Variants in DACT1 observed in about 807,000 individuals in gnomAD.
The protein encoded by DACT1 is dapper homolog 1.
A neutral mutation model predicts 35.3 loss-of-function variants in DACT1; 19 were observed. The observed-to-expected ratio is 0.54, with a 90% confidence interval of 0.38 to 0.79. DACT1 has a LOEUF of 0.79. DACT1 is among the 30% of genes least tolerant of loss of function. The probability of loss-of-function intolerance (pLI) is 0.00; values close to 1 mark genes in which losing one functional copy is unlikely to be tolerated. For synonymous variants in DACT1, 545 were observed against 466.7 expected, an observed-to-expected ratio of 1.17 and a Z score of -2.16; for missense variants, 1,143 against 1,057.5, an observed-to-expected ratio of 1.08 and a Z score of -1.12.
chr14:58,641,845 G>A (rs745610660), intron 3 of DACT1, 98 bp downstream of exon 3: 138 of 1,227,066 alleles, frequency 1.1e-4, no homozygotes, highest in Non-Finnish European at 1.5e-4. Context: ...GTGGAAAAAT[G>A]AAGGTTCATC....
In DACT1 at chr14:58,648,321, A is replaced by G. The variant is rs890713116; in HGVS notation, c.*1187A>G. 3.6e-5 allele frequency: 6 copies of G among 167,054 alleles called. No homozygotes were observed. The highest frequency in any genetic ancestry group is 1.4e-4 in the African/African-American group (6 of 41,440). 10.3% of individuals were successfully genotyped at this position (167,054 alleles called of 1,614,324 possible). ...TAAAACCAGATGTTTACACCTGTAA[A>G]TCTTGTGCTGGTTATTGGTGTTATT... On this transcript the variant is annotated 3_prime_UTR_variant, in exon 4 of 4. Transcript: ENST00000395153.
chr14:58,637,730 G>A (rs878874076), upstream of DACT1, among the ~76,000 whole-genome samples: 1 of 146,778 alleles, frequency 6.8e-6, no homozygotes, highest in Non-Finnish European at 1.5e-5. Flanking sequence ...CAGTAAACCC[G>A]AAAAGGGGGC....
chr14:58,647,446 A>G lies in DACT1; in HGVS notation c.*312A>G, dbSNP rs368731040. On this transcript the variant is annotated 3_prime_UTR_variant, in exon 4 of 4. Coordinates refer to ENST00000395153, the MANE Select transcript of DACT1 (RefSeq NM_001079520.2). Reference sequence around the variant, plus strand: ...GGCAAGGTACAGGTTTTGATGTTCAAGTTTTATTGGGATAAGATCTTTTGA... The same window carrying G: ...GGCAAGGTACAGGTTTTGATGTTCAGGTTTTATTGGGATAAGATCTTTTGA... 2.6e-5 allele frequency: 9 copies of G among 345,594 alleles called. No individual in the cohort carries two copies. The East Asian group carries it at 3.5e-4, about 13-fold the overall frequency. 21.4% of individuals were successfully genotyped at this position (345,594 alleles called of 1,614,324 possible).
intron 3 of DACT1, among the ~76,000 whole-genome samples, chr14:58,644,207 G>A (rs2047652213): frequency 6.6e-6 from 1 of 151,856 alleles, no homozygotes; most frequent in Non-Finnish European, 1.5e-5. Flanking sequence ...CTGTACTTTG[G>A]CATCTACATT....
In DACT1 at chr14:58,646,028, A is replaced by G. The variant is rs2047675404; in HGVS notation, c.1294A>G (p.Ile432Val). The G allele has an allele frequency of 1.2e-6, 2 of 1,614,150 alleles. No individual in the cohort carries two copies. The highest frequency in any genetic ancestry group is 1.7e-6 in the Non-Finnish European group (2 of 1,180,038). The change falls in exon 4 of 4, where the codon ATT (isoleucine) becomes GTT (valine). Residue 432 changes from isoleucine (I) to valine (V), a missense_variant. This residue lies in a region of DACT1 where 1,054 missense variants were observed against 958.8 expected (regional missense o/e 1.10). Coordinates refer to ENST00000395153, the MANE Select transcript of DACT1 (RefSeq NM_001079520.2). Reference sequence around the variant, plus strand: ...GCAAGAACATGCTCGGTGTTCCGCCATTGGGACAGGGGAGTCCCCTAAGGA... The same window carrying G: ...GCAAGAACATGCTCGGTGTTCCGCCGTTGGGACAGGGGAGTCCCCTAAGGA... ...ASQEHARCSAIGTGESPKESA... is the reference protein window; with the variant it reads ...ASQEHARCSAVGTGESPKESA...
Position 58,640,765 on chromosome 14 carries a change from G to C in DACT1, c.375G>C (p.Leu125Phe), listed in dbSNP as rs1256371030. The C allele has an allele frequency of 1.2e-6, 2 of 1,614,148 alleles. No individual in the cohort carries two copies. Among genetic ancestry groups the C allele is most frequent in the African/African-American group, 2.7e-5 (2 of 75,036 alleles). The stretch of plus-strand genomic sequence containing the variant: ...GTTTGAGGCGAAGAGATGCTGGTTT[G>C]TTGAATCAGTTGCAAGAGCTTGACA... ...LNCLRRRDAGLLNQLQELDKQ... is the reference protein window; with the variant it reads ...LNCLRRRDAGFLNQLQELDKQ... The change falls in exon 2 of 4, where the codon TTG (leucine) becomes TTC (phenylalanine). Residue 125 changes from leucine to phenylalanine, a missense_variant. Leu to Phe is a conservative substitution (Grantham distance 22). Around this residue, in one of 3 missense-constraint regions of DACT1, gnomAD observed 1,054 missense variants for 958.8 expected, o/e 1.10. Coordinates refer to ENST00000395153, the MANE Select transcript of DACT1 (RefSeq NM_001079520.2).
In DACT1 at chr14:58,646,828, C is replaced by T; in HGVS notation, c.2094C>T (p.His698=). The part of the protein sequence containing the change: ...EYSAECESLF[H]STVVDTSEDE... ...CGGCCGAGTGCGAGTCCCTGTTCCA[C>T]TCCACCGTGGTGGACACCAGTGAGG... The change falls in exon 4 of 4, where the codon CAC becomes CAT. Residue 698 remains histidine, a synonymous_variant. Transcript: ENST00000395153. 1.2e-6 allele frequency: 2 copies of T among 1,614,226 alleles called. No homozygotes were observed. The highest frequency in any genetic ancestry group is 1.7e-6 in the Non-Finnish European group (2 of 1,180,034).
chr14:58,641,505 C>T (rs2047626489), intron 2 of DACT1, 87 bp from the exon 3 acceptor site: 3 of 1,433,890 alleles, frequency 2.1e-6, no homozygotes, highest in Middle Eastern at 1.9e-4. Context: ...ATCTCCTTTT[C>T]CTAAATGATT....
chr14:58,643,586 C>T (rs565370532), intron 3 of DACT1, among the ~76,000 whole-genome samples: 22 of 152,332 alleles, frequency 1.4e-4, no homozygotes, highest in Non-Finnish European at 2.6e-4. Context: ...TTCCACAGAT[C>T]TGGTTTCAGA....
At chr14:58,639,921 G>A (rs953951695) in intron 1 of DACT1, among the ~76,000 whole-genome samples, 1 of 152,224 alleles carries the variant, frequency 6.6e-6, no homozygotes, top group Non-Finnish European at 1.5e-5. Flanking sequence ...TCTCAAGATT[G>A]TAAGTGGCGC....
At position 58,648,000 on chromosome 14, in the gene DACT1, A is replaced by C. The variant is rs2047711705; in HGVS notation, c.*866A>C. ...TGCTCACTGAGCGCTATGCCACCGA[A>C]GCGTTGACCTGAACATATTAGTGCA... is the stretch of plus-strand genomic sequence containing the variant. On this transcript the variant is annotated 3_prime_UTR_variant, in exon 4 of 4. Coordinates refer to ENST00000395153, the MANE Select transcript of DACT1 (RefSeq NM_001079520.2). The C allele has an allele frequency of 6.0e-6, 1 of 167,090 alleles. No individual in the cohort carries two copies. The highest frequency in any genetic ancestry group is 2.4e-5 in the African/African-American group (1 of 41,444). 10.4% of individuals were successfully genotyped at this position (167,090 alleles called of 1,614,324 possible).
chr14:58,642,576 C>G (rs139252287), intron 3 of DACT1, among the ~76,000 whole-genome samples: 13,548 of 151,904 alleles, frequency 0.089, 909 homozygotes, highest in African/African-American at 0.19. Flanking sequence ...TGCCTGTAAT[C>G]CCAGCTACTT....
upstream of DACT1, among the ~76,000 whole-genome samples, chr14:58,634,848 G>T (rs993529030): frequency 9.2e-5 from 14 of 152,220 alleles, no homozygotes; most frequent in African/African-American, 3.4e-4. Context: ...CAAAGCATCA[G>T]ACTGTGTGAT....
chr14:58,646,580 GCGGGGAGCAGGGCGCATGGCCACGGA>G lies in DACT1; in HGVS notation c.1851_1876del (p.Ser618GlyfsTer7). The stretch of plus-strand genomic sequence containing the variant: ...CAGGCCCGCGGGCGGGGGCCACAGG[GCGGGGAGCAGGGCGCATGGCCACGGA>G]CGGGAGGCGGTGGTGGCCAAACCTA... On this transcript the variant is annotated frameshift_variant, in exon 4 of 4. Coordinates refer to ENST00000395153, the MANE Select transcript of DACT1 (RefSeq NM_001079520.2). LOFTEE classifies it high-confidence loss of function. 6.3e-7 allele frequency: 1 copy of G among 1,576,850 alleles called. No individual in the cohort carries two copies. The highest frequency in any genetic ancestry group is 8.6e-7 in the Non-Finnish European group (1 of 1,161,908).
rs765185034 is a variant in DACT1, at chr14:58,638,511, C to T, written c.309C>T (p.Phe103=). ...AGCGCAGTCGCCTGGAGGAGAAGTT[C>T]TTGGAGGAGAACATCTTGCTGCTAA... ...AAQRSRLEEK[F]LEENILLLRK... Residue 103 remains phenylalanine, a synonymous_variant, in exon 1 of 4, where the codon TTC becomes TTT. Transcript: ENST00000395153. 3 of 1,352,630 alleles carry T rather than the reference C, an allele frequency of 2.2e-6. No homozygotes were observed. Among genetic ancestry groups the T allele is most frequent in the Admixed American group, 3.0e-5 (1 of 32,894 alleles). The allele number at this position is 1,352,630 out of a possible 1,614,324, so 83.8% of individuals were successfully genotyped here.
At chr14:58,644,835 A>T (rs2047657476) in intron 3 of DACT1, among the ~76,000 whole-genome samples, 2 of 152,248 alleles carry the variant, frequency 1.3e-5, no homozygotes, top group Admixed American at 1.3e-4. Flanking sequence ...AATAAAGAAG[A>T]AAGTAAATAT....
rs985516901 is a variant in DACT1, at chr14:58,646,586, A to C, written c.1852A>C (p.Ser618Arg). Reference protein sequence around the residue: ...RPAGGGHRAGSRAHGHGREAV... With the variant: ...RPAGGGHRAGRRAHGHGREAV... ...CGCGGGCGGGGGCCACAGGGCGGGGAGCAGGGCGCATGGCCACGGACGGGA... is the reference window on the plus strand; with the variant it reads ...CGCGGGCGGGGGCCACAGGGCGGGGCGCAGGGCGCATGGCCACGGACGGGA... The change falls in exon 4 of 4, where the codon AGC (serine) becomes CGC (arginine). Residue 618 changes from serine (S) to arginine (R), a missense_variant. This residue lies in a region of DACT1 where 1,054 missense variants were observed against 958.8 expected (regional missense o/e 1.10). Transcript: ENST00000395153. 6.3e-7 allele frequency: 1 copy of C among 1,581,202 alleles called. No individual in the cohort carries two copies. The highest frequency in any genetic ancestry group is 8.6e-7 in the Non-Finnish European group (1 of 1,164,042).
chr14:58,637,267 A>G (rs1302811113), upstream of DACT1, among the ~76,000 whole-genome samples: 1 of 152,270 alleles, frequency 6.6e-6, no homozygotes, highest in East Asian at 1.9e-4. Flanking sequence ...TAGGCTTGTA[A>G]AAGAATTGAT....
intron 3 of DACT1, among the ~76,000 whole-genome samples, chr14:58,643,088 T>C (rs563078373): frequency 6.2e-4 from 95 of 152,310 alleles, no homozygotes; most frequent in African/African-American, 2.2e-3. Context: ...GCTCTATAGA[T>C]GGTGAGTGGC....
Sources: gnomAD v4.1 joint callset for allele counts (sites outside exome capture counted in the v4.1 genomes callset) on GRCh38, gnomAD v4.1.1 for gene constraint, gnomAD v4.1.1 regional missense constraint, MANE v1.5 for transcripts, NCBI Gene and HGNC (gene_info 2026-07-23, HGNC 2026-07-21) for gene names.